Variants in PCM1 observed in about 807,000 individuals in gnomAD.
PCM1 encodes the protein pericentriolar material 1.
A neutral mutation model predicts 241.9 loss-of-function variants in PCM1; 157 were observed. That is an observed-to-expected ratio of 0.65 (90% CI 0.57 to 0.74). The LOEUF is 0.74. PCM1 is among the 30% of genes least tolerant of loss of function. PCM1 has a pLI of 0.00. For missense variants in PCM1, 3,478 were observed against 2,360.1 expected, an observed-to-expected ratio of 1.47 and a Z score of -9.81; for synonymous variants, 1,085 against 784.9, an observed-to-expected ratio of 1.38 and a Z score of -6.39.
chr8:17,924,437 T>TTAGGGCTAA (rs2129444654), intron 1 of PCM1, among the ~76,000 whole-genome samples: 1 of 152,338 alleles, frequency 6.6e-6, no homozygotes, highest in Admixed American at 6.5e-5. Context: ...TAAAGGATAG[T>TTAGGGCTAA]TAGGGCTAAC....
chr8:18,016,941 A>G (rs977920438), intron 36 of PCM1, among the ~76,000 whole-genome samples: 2 of 152,234 alleles, frequency 1.3e-5, no homozygotes. Context: ...CCAAATCCCA[A>G]GGAAAATCCA....
chr8:17,972,244 A>T, intron 22 of PCM1, 85 bp from the exon 23 acceptor site: 1 of 516,048 alleles, frequency 1.9e-6, no homozygotes, highest in Non-Finnish European at 3.0e-6. Flanking sequence ...ACCTAAATCT[A>T]CTCGAGTAGA....
rs181840800 is a variant in PCM1, at chr8:17,964,564, C to G, written c.2655-4C>G. 358 of 1,611,166 alleles carry G rather than the reference C, an allele frequency of 2.2e-4. 1 individual carries two copies. In the African/African-American group the frequency reaches 4.2e-3, roughly 19 times the overall value. On this transcript the variant is annotated splice_region_variant and splice_polypyrimidine_tract_variant and intron_variant, in intron 17 of 38. Transcript: ENST00000325083. ...ACATCTGTTTTATGTCTCTTAATCA[C>G]TAGAACGATGGCAACTTGGGGAGGG...
At chr8:17,928,305 C>T (rs2057785630) in intron 2 of PCM1, among the ~76,000 whole-genome samples, 1 of 152,162 alleles carries the variant, frequency 6.6e-6, no homozygotes, top group Non-Finnish European at 1.5e-5. Flanking sequence ...CGTAGTGCTG[C>T]CCACGGTCAT....
chr8:17,936,106 T>A (rs1434027225), intron 3 of PCM1, among the ~76,000 whole-genome samples: 1 of 152,232 alleles, frequency 6.6e-6, no homozygotes, highest in African/African-American at 2.4e-5. Context: ...TGTGATATAC[T>A]GTGGCTGTCC....
chr8:17,951,523 A>C (rs534155864), intron 8 of PCM1, among the ~76,000 whole-genome samples: 2 of 152,376 alleles, frequency 1.3e-5, no homozygotes, highest in East Asian at 3.9e-4. Flanking sequence ...ATGTCCATCA[A>C]CAGAAATGGG....
chr8:17,971,847 G>T (rs971958003), intron 22 of PCM1, among the ~76,000 whole-genome samples: 2 of 152,012 alleles, frequency 1.3e-5, no homozygotes, highest in African/African-American at 4.8e-5. Flanking sequence ...GGGCTCAAGG[G>T]ATCCTCCTGC....
At chr8:17,991,447 C>G (rs1008846256) in intron 27 of PCM1, 95 bp from the exon 28 acceptor site, 3 of 1,053,264 alleles carry the variant, frequency 2.8e-6, no homozygotes, top group African/African-American at 3.2e-5. Flanking sequence ...ATTTTCCTCC[C>G]TTTTGTTTGG....
chr8:17,924,410 AC>A (rs1416320963), intron 1 of PCM1, among the ~76,000 whole-genome samples: 16 of 152,220 alleles, frequency 1.1e-4, no homozygotes, highest in African/African-American at 3.9e-4. Context: ...AGAGGAGTAA[AC>A]TTTGGCATAG....
chr8:17,929,669 T>C (rs1210635605), intron 2 of PCM1, among the ~76,000 whole-genome samples: 2 of 152,232 alleles, frequency 1.3e-5, no homozygotes, highest in Non-Finnish European at 2.9e-5. Flanking sequence ...TCTGCTTCTT[T>C]ATCGCCCGTG....
rs375407726 is a variant in PCM1 at position 17,972,341 on chromosome 8, G to A, written c.3597G>A (p.Leu1199=). The change falls in exon 23 of 39, where the codon CTG becomes CTA. Residue 1199 remains leucine (L), a synonymous_variant. Coordinates refer to ENST00000325083, the MANE Select transcript of PCM1 (RefSeq NM_006197.4). ...TTTCATTGGTAAGGAATAAAAAACT[G>A]CCTGAAGAGGAGGTGGAAAGCAGTA... ...IGAEKPRNKK[L]PEEEVESSRT... The A allele has an allele frequency of 8.2e-5, 123 of 1,502,908 alleles. 1 individual carries two copies. The highest frequency in any genetic ancestry group is 3.0e-4 in the Admixed American group (13 of 43,180). The allele number at this position is 1,502,908 out of a possible 1,614,324, so 93.1% of individuals were successfully genotyped here.
chr8:17,983,337 C>A, intron 24 of PCM1: 4 of 1,165,880 alleles, frequency 3.4e-6, no homozygotes, highest in Non-Finnish European at 4.6e-6. Flanking sequence ...AATTTTTTCC[C>A]ATTGGTCCTA....
In PCM1 at chr8:17,989,997, T is replaced by C; in HGVS notation, c.4531+18T>C. 6.7e-7 allele frequency: 1 copy of C among 1,503,716 alleles called. No individual in the cohort carries two copies. The highest frequency in any genetic ancestry group is 8.9e-7 in the Non-Finnish European group (1 of 1,125,528). 93.1% of individuals were successfully genotyped at this position (1,503,716 alleles called of 1,614,324 possible). A position where few individuals can be genotyped will look rare whatever the true frequency, so the allele number is the denominator to read the frequency against. On this transcript the variant is annotated intron_variant, in intron 27 of 38. Transcript: ENST00000325083. ...TGATCTAGGTAAGCAGAATTGTTTATAATCTTAGAAACAACTTTAAGTTGA... is the reference window on the plus strand; with the variant it reads ...TGATCTAGGTAAGCAGAATTGTTTACAATCTTAGAAACAACTTTAAGTTGA...
chr8:17,966,683 T>C (rs2075006375), intron 20 of PCM1, among the ~76,000 whole-genome samples: 1 of 152,242 alleles, frequency 6.6e-6, no homozygotes, highest in African/African-American at 2.4e-5. Flanking sequence ...TGAATTTTAC[T>C]TATATTTTGG....
At chr8:18,016,086 C>T (rs1262930145) in intron 36 of PCM1, among the ~76,000 whole-genome samples, 1 of 152,192 alleles carries the variant, frequency 6.6e-6, no homozygotes, top group Middle Eastern at 3.2e-3. Context: ...GACAGGGTTT[C>T]ACCGTGTTAG....
At chr8:17,974,255 G>C (rs1587477443) in intron 23 of PCM1, among the ~76,000 whole-genome samples, 1 of 152,210 alleles carries the variant, frequency 6.6e-6, no homozygotes, top group South Asian at 2.1e-4. Context: ...GAAGATTTAA[G>C]TAGATAATGG....
At chr8:17,940,137 G>C in intron 6 of PCM1, 1 of 1,553,596 alleles carries the variant, frequency 6.4e-7, no homozygotes, top group Non-Finnish European at 8.7e-7. Context: ...TAGATGTGCA[G>C]TCTGAGGCTT....
At chr8:17,948,583 G>C (rs144448597) in intron 7 of PCM1, among the ~76,000 whole-genome samples, 1 of 152,004 alleles carries the variant, frequency 6.6e-6, no homozygotes, top group African/African-American at 2.4e-5. Context: ...GATTACAGGC[G>C]TCAGCCACCG....
At chr8:17,963,775 C>T (rs1586998692) in intron 17 of PCM1, among the ~76,000 whole-genome samples, 2 of 152,116 alleles carry the variant, frequency 1.3e-5, no homozygotes, top group African/African-American at 4.8e-5. Flanking sequence ...TCTATAAGAT[C>T]AGTGAATTAT....
Sources: allele counts gnomAD v4.1 joint callset (sites outside exome capture counted in the v4.1 genomes callset), GRCh38; gene constraint gnomAD v4.1.1; transcripts MANE v1.5; gene names NCBI Gene and HGNC (gene_info 2026-07-23, HGNC 2026-07-21).